AGBL4: variants seen among roughly 807,000 people sequenced by gnomAD.
The protein encoded by AGBL4 is AGBL carboxypeptidase 4, also known as cytosolic carboxypeptidase 6.
A neutral mutation model predicts 66.4 loss-of-function variants in AGBL4; 58 were observed. The ratio of observed to expected loss-of-function variants is 0.87; its 90% CI spans 0.71 to 1.09. The LOEUF (loss-of-function observed/expected upper bound fraction) is 1.09, where lower values mean the gene tolerates loss of function less well. Ranked by LOEUF, AGBL4 falls within the 50% of genes least tolerant of loss-of-function variation. The pLI, the probability that AGBL4 is intolerant of heterozygous loss-of-function variation, is 0.00. For missense variants in AGBL4, 579 were observed against 631.0 expected (o/e 0.92, Z 0.88); for synonymous variants, 234 against 222.9 (o/e 1.05, Z -0.44).
At chr1:49,628,561 A>G (rs1014896176) in intron 3 of AGBL4, among the ~76,000 whole-genome samples, 2 of 152,140 alleles carry the variant, frequency 1.3e-5, no homozygotes, top group African/African-American at 4.8e-5. Flanking sequence ...CTAAATCTTC[A>G]AAAGGTTTAT....
chr1:49,526,328 C>T (rs1650660937), intron 3 of AGBL4, among the ~76,000 whole-genome samples: 2 of 151,944 alleles, frequency 1.3e-5, no homozygotes, highest in African/African-American at 4.8e-5. Context: ...CTGCTCTTGT[C>T]CTTGATCTTA....
At chr1:49,003,369 G>T (rs1458068396) in intron 5 of AGBL4, among the ~76,000 whole-genome samples, 1 of 152,130 alleles carries the variant, frequency 6.6e-6, no homozygotes, top group Admixed American at 6.5e-5. Context: ...TTGCACTCCA[G>T]CCTGGGCAAC....
At chr1:49,945,102 C>A (rs541821012) in intron 1 of AGBL4, among the ~76,000 whole-genome samples, 1 of 151,964 alleles carries the variant, frequency 6.6e-6, no homozygotes, top group African/African-American at 2.4e-5. Flanking sequence ...ATTGGTGTTC[C>A]TGAGAAAGAA....
chr1:49,244,468 A>G (rs1197991703), intron 4 of AGBL4, among the ~76,000 whole-genome samples: 1 of 151,778 alleles, frequency 6.6e-6, no homozygotes, highest in African/African-American at 2.4e-5. Context: ...ACCTTTCATA[A>G]ACAGTGTTTA....
intron 3 of AGBL4, among the ~76,000 whole-genome samples, chr1:49,357,873 G>A (rs1157692072): frequency 5.3e-5 from 8 of 152,146 alleles, no homozygotes; most frequent in African/African-American, 1.7e-4. Flanking sequence ...TTACACTCAA[G>A]TGTGTTATAT....
intron 1 of AGBL4, among the ~76,000 whole-genome samples, chr1:49,980,049 G>A (rs1216694929): frequency 6.6e-6 from 1 of 151,820 alleles, no homozygotes; most frequent in Non-Finnish European, 1.5e-5. Context: ...CTTACGGTAG[G>A]AATACAGTAT....
chr1:49,940,875 T>C (rs1021949427), intron 1 of AGBL4, among the ~76,000 whole-genome samples: 1 of 151,890 alleles, frequency 6.6e-6, no homozygotes, highest in African/African-American at 2.4e-5. Flanking sequence ...ATAGAAAAGA[T>C]TCACAAAACT....
chr1:49,169,064 G>A (rs1646684793), intron 4 of AGBL4, among the ~76,000 whole-genome samples: 1 of 151,980 alleles, frequency 6.6e-6, no homozygotes, highest in African/African-American at 2.4e-5. Flanking sequence ...TTCCCTTTTT[G>A]TCTCACTCTT....
At chr1:49,465,822 T>G (rs1028176774) in intron 3 of AGBL4, among the ~76,000 whole-genome samples, 1 of 151,836 alleles carries the variant, frequency 6.6e-6, no homozygotes, top group Non-Finnish European at 1.5e-5. Flanking sequence ...GAAAGTCTGA[T>G]GTTTATTCCC....
At chr1:49,768,015 A>C (rs1272948837) in intron 2 of AGBL4, among the ~76,000 whole-genome samples, 1 of 151,946 alleles carries the variant, frequency 6.6e-6, no homozygotes, top group East Asian at 1.9e-4. Flanking sequence ...AAAGAAAAAA[A>C]ACAAAACAAA....
At chr1:49,568,093 T>A (rs1233704163) in intron 3 of AGBL4, among the ~76,000 whole-genome samples, 2 of 152,152 alleles carry the variant, frequency 1.3e-5, no homozygotes, top group Admixed American at 6.5e-5. Context: ...CTGTTAGTAT[T>A]GGAATACCTC....
chr1:49,257,809 T>A (rs1298454268), intron 3 of AGBL4, among the ~76,000 whole-genome samples: 1 of 152,176 alleles, frequency 6.6e-6, no homozygotes, highest in African/African-American at 2.4e-5. Context: ...TCGGCCATCT[T>A]GGCTCCTCCA....
intron 3 of AGBL4, among the ~76,000 whole-genome samples, chr1:49,381,425 G>A (rs1249216624): frequency 3.3e-5 from 5 of 152,312 alleles, no homozygotes; most frequent in South Asian, 4.1e-4. Flanking sequence ...AATCATTGTG[G>A]AAGTCAGTGT....
intron 9 of AGBL4, among the ~76,000 whole-genome samples, chr1:48,626,095 G>A (rs1363828551): frequency 6.6e-6 from 1 of 152,130 alleles, no homozygotes; most frequent in African/African-American, 2.4e-5. Flanking sequence ...CACCCCAGTG[G>A]CTATTTACTG....
intron 2 of AGBL4, chr1:49,844,962 A>T: frequency 1.5e-6 from 2 of 1,367,624 alleles, no homozygotes; most frequent in Non-Finnish European, 2.1e-6. Flanking sequence ...CTGATTTCCT[A>T]CATCAACCAA....
intron 1 of AGBL4, among the ~76,000 whole-genome samples, chr1:49,992,075 T>C (rs1659989477): frequency 6.6e-6 from 1 of 152,172 alleles, no homozygotes; most frequent in Admixed American, 6.5e-5. Context: ...TCAAGAACTA[T>C]AAATCCTTAC....
At position 49,875,135 on chromosome 1, in the gene AGBL4, T is replaced by A. The variant is rs112600818; in HGVS notation, c.35-23617A>T. Reference sequence around the variant, plus strand: ...AATGATGATTTCCAATTTCTTTTTTTTTATTATTACTATTATTATTATTAT... The same window carrying A: ...AATGATGATTTCCAATTTCTTTTTTATTATTATTACTATTATTATTATTAT... On this transcript the variant is annotated intron_variant, in intron 1 of 13. Transcript: ENST00000371839. 1.8e-3 allele frequency among the ~76,000 whole-genome samples: 270 copies of A among 148,870 alleles called. 3 individuals are homozygous for A. Among genetic ancestry groups the A allele is most frequent in the African/African-American group, 6.2e-3 (251 of 40,728 alleles).
At chr1:49,346,904 G>A (rs928665339) in intron 3 of AGBL4, among the ~76,000 whole-genome samples, 1 of 152,142 alleles carries the variant, frequency 6.6e-6, no homozygotes, top group Non-Finnish European at 1.5e-5. Flanking sequence ...CAGGAGCTTA[G>A]GCATTCTTAA....
intron 1 of AGBL4, among the ~76,000 whole-genome samples, chr1:49,950,844 G>A (rs1656093888): frequency 6.6e-6 from 1 of 151,728 alleles, no homozygotes; most frequent in Non-Finnish European, 1.5e-5. Flanking sequence ...AGTGTCAATT[G>A]ATAAATGAAT....
Sources: gnomAD v4.1 joint callset for allele counts (sites outside exome capture counted in the v4.1 genomes callset) on GRCh38, gnomAD v4.1.1 for gene constraint, MANE v1.5 for transcripts, NCBI Gene and HGNC (gene_info 2026-07-23, HGNC 2026-07-21) for gene names.